PPP6R3: variants seen among roughly 807,000 people sequenced by gnomAD.
PPP6R3 encodes the protein serine/threonine-protein phosphatase 6 regulatory subunit 3.
In PPP6R3, 38 loss-of-function variants were observed where a neutral mutation model predicts 110.7. The observed-to-expected ratio is 0.34, with a 90% CI of 0.26 to 0.45. PPP6R3 has a LOEUF of 0.45. Ranked by LOEUF, PPP6R3 falls within the 20% of genes least tolerant of loss-of-function variation. The probability of loss-of-function intolerance (pLI) is 1.00; values close to 1 mark genes in which losing one functional copy is unlikely to be tolerated. For missense variants in PPP6R3, 870 were observed against 1,062.4 expected (o/e 0.82, Z 2.52); for synonymous variants, 369 against 373.5 (o/e 0.99, Z 0.14).
At chr11:68,592,794 T>C (rs568542880) in intron 18 of PPP6R3, among the ~76,000 whole-genome samples, 1 of 152,382 alleles carries the variant, frequency 6.6e-6, no homozygotes, top group Non-Finnish European at 1.5e-5. Context: ...CAGACTTGTT[T>C]GCCATCATTT....
At chr11:68,496,705 A>G (rs549501242) in intron 1 of PPP6R3, among the ~76,000 whole-genome samples, 13 of 152,128 alleles carry the variant, frequency 8.5e-5, no homozygotes, top group African/African-American at 3.1e-4. Flanking sequence ...ACTCGGCCTC[A>G]AGCACTTCAC....
chr11:68,522,379 T>G (rs937517742), intron 2 of PPP6R3: 1 of 152,274 alleles, frequency 6.6e-6, no homozygotes, highest in Admixed American at 6.5e-5. Flanking sequence ...GTTGTTTAAA[T>G]GACATTAATG....
chr11:68,585,028 G>A (rs905275498), intron 15 of PPP6R3, among the ~76,000 whole-genome samples: 3 of 152,194 alleles, frequency 2.0e-5, no homozygotes, highest in African/African-American at 2.4e-5. Flanking sequence ...TCTCATTCAC[G>A]TTTGAGGTTG....
chr11:68,566,310 CCTCCTTCCTCCTT>C (rs1210369292), intron 9 of PPP6R3, among the ~76,000 whole-genome samples: 167 of 152,032 alleles, frequency 1.1e-3, no homozygotes, highest in African/African-American at 3.9e-3. Context: ...CCTTCCTCCT[CCTCCTTCCTCCTT>C]CTCTTTCCTC....
At position 68,554,142 on chromosome 11, in the gene PPP6R3, TAGCGA is replaced by T; in HGVS notation, c.619-2_621del. On this transcript the variant is annotated splice_acceptor_variant and coding_sequence_variant, in exon 7 of 24. Coordinates refer to ENST00000393800, the MANE Select transcript of PPP6R3 (RefSeq NM_001164161.2). LOFTEE classifies it high-confidence loss of function. ...TGGTTAAAATTGTACTTTTTTCCTT[TAGCGA>T]CATTCAAATGCATCACAATCACTTT... 2.5e-6 allele frequency: 4 copies of T among 1,599,312 alleles called. No individual in the cohort carries two copies. In the Admixed American group the frequency reaches 5.3e-5, roughly 21 times the overall value.
intron 8 of PPP6R3, among the ~76,000 whole-genome samples, chr11:68,563,756 T>C (rs763700435): frequency 5.9e-5 from 9 of 152,230 alleles, no homozygotes; most frequent in African/African-American, 2.2e-4. Context: ...AGAATTCTTA[T>C]CCTTGAGTAT....
intron 5 of PPP6R3, among the ~76,000 whole-genome samples, chr11:68,550,332 GC>G (rs2099365910): frequency 1.3e-5 from 2 of 152,214 alleles, no homozygotes; most frequent in Admixed American, 6.5e-5. Context: ...TTTGATTTCT[GC>G]CCCCGCTGCC....
intron 23 of PPP6R3, among the ~76,000 whole-genome samples, chr11:68,612,591 T>G (rs1421939844): frequency 4.6e-5 from 7 of 151,738 alleles, no homozygotes; most frequent in African/African-American, 1.7e-4. Flanking sequence ...TTTTTTCCAG[T>G]AGTTTATTTG....
chr11:68,594,299 G>GA (rs1566083078), intron 18 of PPP6R3, among the ~76,000 whole-genome samples: 53 of 139,280 alleles, frequency 3.8e-4, no homozygotes, highest in African/African-American at 1.4e-3. Flanking sequence ...AGAGGAGAGA[G>GA]GAGAGAGAGA....
chr11:68,605,692 A>T (rs921343310), intron 22 of PPP6R3, among the ~76,000 whole-genome samples: 1 of 152,248 alleles, frequency 6.6e-6, no homozygotes, highest in Non-Finnish European at 1.5e-5. Flanking sequence ...AGCCACAACC[A>T]GTAAAGAACC....
chr11:68,614,858 C>T lies in PPP6R3; in HGVS notation c.*1741C>T. ...GCTGCCTGACTTGAATGGCGTTGGA[C>T]CTCGGGGATTACTGGTAGATAATAT... On this transcript the variant is annotated 3_prime_UTR_variant, in exon 24 of 24. Coordinates refer to ENST00000393800, the MANE Select transcript of PPP6R3 (RefSeq NM_001164161.2). 4 of 1,023,932 alleles carry T rather than the reference C, an allele frequency of 3.9e-6. No homozygotes were observed. Among genetic ancestry groups the T allele is most frequent in the Non-Finnish European group, 5.9e-6 (4 of 678,740 alleles). 63.4% of individuals were successfully genotyped at this position (1,023,932 alleles called of 1,614,324 possible). A position where few individuals can be genotyped will look rare whatever the true frequency, so the allele number is the denominator to read the frequency against.
rs1944752584 is a variant in PPP6R3 at position 68,614,275 on chromosome 11, A to G, written c.*1158A>G. ...TATAGTGATTATGGATACTAATTCA[A>G]TGTAATTTATAATTTTCTATGTCAA... On this transcript the variant is annotated 3_prime_UTR_variant, in exon 24 of 24. Transcript: ENST00000393800. The G allele has an allele frequency of 9.7e-7, 1 of 1,034,826 alleles. No homozygotes were observed. Among genetic ancestry groups the G allele is most frequent in the Non-Finnish European group, 1.2e-6 (1 of 860,318 alleles). The allele number at this position is 1,034,826 out of a possible 1,614,324, so 64.1% of individuals were successfully genotyped here. A position where few individuals can be genotyped will look rare whatever the true frequency, so the allele number is the denominator to read the frequency against.
chr11:68,475,905 G>A (rs1289930766), intron 1 of PPP6R3, among the ~76,000 whole-genome samples: 1 of 151,954 alleles, frequency 6.6e-6, no homozygotes, highest in African/African-American at 2.4e-5. Context: ...TCAGACGATG[G>A]GCGGCCGGGC....
At position 68,615,073 on chromosome 11, in the gene PPP6R3, G is replaced by A; in HGVS notation, c.*1956G>A. The A allele has an allele frequency of 2.1e-6, 1 of 474,972 alleles. No homozygotes were observed. The highest frequency in any genetic ancestry group is 4.2e-6 in the Non-Finnish European group (1 of 239,382). The allele number at this position is 474,972 out of a possible 1,614,324, so 29.4% of individuals were successfully genotyped here. On this transcript the variant is annotated 3_prime_UTR_variant, in exon 24 of 24. Transcript: ENST00000393800. ...TCTTGCTTCATCCCACTGACTGCTG[G>A]GAGAGAGCCTCTGGGACTTTTCTTT...
Position 68,614,701 on chromosome 11 carries a change from G to T in PPP6R3, c.*1584G>T. On this transcript the variant is annotated 3_prime_UTR_variant, in exon 24 of 24. Transcript: ENST00000393800. ...AAGCCCTGGGACAGGTGGCAAGGGT[G>T]GGTCCCTTGACCTTTGCACGCCTCC... The T allele has an allele frequency of 6.5e-7, 1 of 1,528,376 alleles. No homozygotes were observed. Among genetic ancestry groups the T allele is most frequent in the Non-Finnish European group, 8.8e-7 (1 of 1,138,980 alleles). The allele number at this position is 1,528,376 out of a possible 1,614,324, so 94.7% of individuals were successfully genotyped here. A position where few individuals can be genotyped will look rare whatever the true frequency, so the allele number is the denominator to read the frequency against.
intron 13 of PPP6R3, 77 bp from the exon 14 acceptor site, chr11:68,575,881 A>T: frequency 1.8e-6 from 2 of 1,125,372 alleles, no homozygotes; most frequent in Non-Finnish European, 2.6e-6. Flanking sequence ...GCCCACTTTT[A>T]TATTACCTGC....
chr11:68,597,478 A>G (rs969855942), intron 19 of PPP6R3, among the ~76,000 whole-genome samples: 1 of 152,226 alleles, frequency 6.6e-6, no homozygotes, highest in Non-Finnish European at 1.5e-5. Flanking sequence ...CAAGACATTC[A>G]TGGCAACAGT....
intron 1 of PPP6R3, among the ~76,000 whole-genome samples, chr11:68,509,466 C>G (rs868486540): frequency 7.6e-6 from 1 of 132,148 alleles, no homozygotes; most frequent in South Asian, 2.2e-4. Context: ...TATTTTACTT[C>G]TCTATTTTTT....
At position 68,561,365 on chromosome 11, in the gene PPP6R3, A is replaced by G. The variant is rs891608971; in HGVS notation, c.845+2686A>G. 5.3e-5 allele frequency among the ~76,000 whole-genome samples: 8 copies of G among 152,062 alleles called. No homozygotes were observed. In the East Asian group the frequency reaches 1.3e-3, roughly 26 times the overall value. On this transcript the variant is annotated intron_variant, in intron 8 of 23. Coordinates refer to ENST00000393800, the MANE Select transcript of PPP6R3 (RefSeq NM_001164161.2). The stretch of plus-strand genomic sequence containing the variant: ...TCCTTCCGCCTCAGCCTCTTAAGTC[A>G]TTGGGACTAGGTGAACCACCTCGCC...
Sources: allele counts gnomAD v4.1 joint callset (sites outside exome capture counted in the v4.1 genomes callset), GRCh38; gene constraint gnomAD v4.1.1; transcripts MANE v1.5; gene names NCBI Gene and HGNC (gene_info 2026-07-23, HGNC 2026-07-21).